GRIP1: variants seen among roughly 807,000 people sequenced by gnomAD.
GRIP1 encodes the protein glutamate receptor interacting protein 1, also known as glutamate receptor-interacting protein 1.
A neutral mutation model predicts 129.9 loss-of-function variants in GRIP1; 45 were observed. The observed-to-expected ratio is 0.35, with a 90% CI of 0.27 to 0.44. GRIP1 has a LOEUF of 0.44. Ranked by LOEUF, GRIP1 falls within the 20% of genes least tolerant of loss-of-function variation. The pLI is 1.00. For synonymous variants in GRIP1, 530 were observed against 520.8 expected (o/e 1.02, Z -0.24); for missense variants, 1,196 against 1,396.8 (o/e 0.86, Z 2.29).
At chr12:66,915,464 G>T (rs1472850428) in intron 1 of GRIP1, among the ~76,000 whole-genome samples, 1 of 152,188 alleles carries the variant, frequency 6.6e-6, no homozygotes, top group Non-Finnish European at 1.5e-5. Flanking sequence ...AAAGAAGAGT[G>T]TATGGTGACA....
intron 1 of GRIP1, among the ~76,000 whole-genome samples, chr12:66,663,081 C>A (rs905796611): frequency 6.6e-6 from 1 of 152,140 alleles, no homozygotes; most frequent in Non-Finnish European, 1.5e-5. Context: ...ACCTTTATCA[C>A]AGCAACTTGA....
At chr12:66,435,397 T>C (rs910354113) in intron 13 of GRIP1, among the ~76,000 whole-genome samples, 3 of 152,152 alleles carry the variant, frequency 2.0e-5, no homozygotes, top group Non-Finnish European at 4.4e-5. Context: ...GAGATGGGGT[T>C]TCCGCCATGT....
At chr12:66,848,837 C>G (rs1373718182) in intron 1 of GRIP1, among the ~76,000 whole-genome samples, 1 of 152,124 alleles carries the variant, frequency 6.6e-6, no homozygotes, top group Non-Finnish European at 1.5e-5. Flanking sequence ...TCACCAACCT[C>G]TGTGTCATAC....
chr12:66,759,723 G>C (rs1033701431), intron 1 of GRIP1, among the ~76,000 whole-genome samples: 19 of 151,636 alleles, frequency 1.3e-4, no homozygotes, highest in African/African-American at 4.6e-4. Context: ...CAAATCTCTA[G>C]AGCAGGGGCA....
intron 2 of GRIP1, among the ~76,000 whole-genome samples, chr12:66,591,945 T>G (rs2063862960): frequency 6.6e-6 from 1 of 151,936 alleles, no homozygotes; most frequent in Non-Finnish European, 1.5e-5. Flanking sequence ...TTTTGGAGAG[T>G]CTCAATAGTA....
intron 23 of GRIP1, among the ~76,000 whole-genome samples, chr12:66,367,395 A>G (rs1034162939): frequency 1.3e-5 from 2 of 152,196 alleles, no homozygotes; most frequent in African/African-American, 4.8e-5. Context: ...CTCAATTTCT[A>G]TTCTGCAAAA....
At position 66,515,772 on chromosome 12, in the gene GRIP1, G is replaced by A. The variant is rs375593950; in HGVS notation, c.579-8C>T. On this transcript the variant is annotated splice_region_variant and splice_polypyrimidine_tract_variant and intron_variant, in intron 6 of 24. Transcript: ENST00000359742. ...GGTTTGATCGTGCCCTCTCTGAAGG[G>A]AGAATAAAGGAATAGTCTTGATTAA... 54 of 1,611,814 alleles carry A rather than the reference G, an allele frequency of 3.4e-5. No individual in the cohort carries two copies. The African/African-American group carries it at 6.7e-4, about 20-fold the overall frequency.
chr12:66,993,104 A>T (rs2042418047), intron 1 of GRIP1, among the ~76,000 whole-genome samples: 1 of 132,954 alleles, frequency 7.5e-6, no homozygotes. Context: ...ACAGAACAAG[A>T]CCCTGTCTCA....
intron 1 of GRIP1, chr12:66,892,037 A>T (rs2040668459): frequency 6.6e-6 from 1 of 152,560 alleles, no homozygotes; most frequent in African/African-American, 2.4e-5. Flanking sequence ...GGCAATAAGG[A>T]AAAAGAAACT....
chr12:67,061,719 A>G (rs2043538935), intron 1 of GRIP1, among the ~76,000 whole-genome samples: 1 of 152,212 alleles, frequency 6.6e-6, no homozygotes, highest in African/African-American at 2.4e-5. Flanking sequence ...GGTAATATAA[A>G]TTGTATATAA....
At chr12:66,628,948 C>T (rs1209329300) in intron 1 of GRIP1, among the ~76,000 whole-genome samples, 3 of 152,174 alleles carry the variant, frequency 2.0e-5, no homozygotes, top group Non-Finnish European at 4.4e-5. Context: ...CTGTTTTGCA[C>T]CATTGTACTT....
intron 2 of GRIP1, among the ~76,000 whole-genome samples, chr12:66,548,099 T>C (rs2062004332): frequency 6.6e-6 from 1 of 152,222 alleles, no homozygotes; most frequent in Admixed American, 6.5e-5. Flanking sequence ...AACATGCAGC[T>C]AGAATTGAGG....
chr12:67,027,458 T>C (rs1306994783), intron 1 of GRIP1, among the ~76,000 whole-genome samples: 1 of 152,162 alleles, frequency 6.6e-6, no homozygotes, highest in African/African-American at 2.4e-5. Flanking sequence ...ACTTACTGAG[T>C]GTCTAATATG....
At chr12:66,738,269 G>C (rs1282186414) in intron 1 of GRIP1, among the ~76,000 whole-genome samples, 3 of 151,700 alleles carry the variant, frequency 2.0e-5, no homozygotes, top group Non-Finnish European at 4.4e-5. Context: ...GCCCAGGCTG[G>C]AGTGCAGTGG....
chr12:66,979,222 T>TAA lies in GRIP1; in HGVS notation c.58+89826_58+89827dup, dbSNP rs35306665. ...CCCCAAGCCACAAAACTTCTCTTCT[T>TAA]AAAAAAAAAAAAAAAAAAAAAAAAA... On this transcript the variant is annotated intron_variant, in intron 1 of 1. Coordinates refer to the GRIP1 transcript ENST00000643019. Among the ~76,000 whole-genome samples, 170 of 41,420 alleles carry TAA rather than the reference T, an allele frequency of 4.1e-3. 23 individuals carry two copies. The highest frequency in any genetic ancestry group is 0.056 in the Middle Eastern group (2 of 36). The allele number at this position is 41,420 out of a possible 152,430, so 27.2% of individuals were successfully genotyped here. A position where few individuals can be genotyped will look rare whatever the true frequency, so the allele number is the denominator to read the frequency against.
chr12:66,614,523 G>A (rs1478791840), intron 1 of GRIP1, among the ~76,000 whole-genome samples: 2 of 151,906 alleles, frequency 1.3e-5, no homozygotes, highest in Non-Finnish European at 2.9e-5. Context: ...CACTTACACT[G>A]TTACCACCCT....
intron 1 of GRIP1, among the ~76,000 whole-genome samples, chr12:67,067,526 A>T (rs1046580143): frequency 4.6e-5 from 7 of 152,202 alleles, no homozygotes; most frequent in Admixed American, 3.9e-4. Context: ...AAGCAGAAGC[A>T]TTCCTAAAGC....
chr12:66,932,138 T>C (rs1025986718), intron 1 of GRIP1, among the ~76,000 whole-genome samples: 1 of 102,480 alleles, frequency 9.8e-6, no homozygotes, highest in Non-Finnish European at 2.5e-5. Flanking sequence ...ATATAAAGGC[T>C]CCTGGCCACC....
intron 1 of GRIP1, among the ~76,000 whole-genome samples, chr12:67,063,960 A>C (rs1406001543): frequency 1.3e-5 from 2 of 152,220 alleles, no homozygotes; most frequent in African/African-American, 2.4e-5. Context: ...AGTTTTTCAC[A>C]GTAAGGAAGA....
Sources: gnomAD v4.1 joint callset for allele counts (sites outside exome capture counted in the v4.1 genomes callset) on GRCh38, gnomAD v4.1.1 for gene constraint, MANE v1.5 for transcripts, NCBI Gene and HGNC (gene_info 2026-07-23, HGNC 2026-07-21) for gene names.